The following FGGY variants were observed in gnomAD, a reference collection of about 807,000 sequenced individuals.
FGGY encodes the protein FGGY carbohydrate kinase domain-containing protein.
Under a neutral mutation model 71.3 loss-of-function variants are expected in FGGY, and 72 were observed. The ratio of observed to expected loss-of-function variants is 1.01; its 90% CI spans 0.84 to 1.23. The LOEUF (loss-of-function observed/expected upper bound fraction) is 1.23, where lower values mean the gene tolerates loss of function less well. Among genes scored for constraint, FGGY ranks in the 50% most tolerant of loss-of-function variants. FGGY has a pLI of 0.00. For missense variants in FGGY, 668 were observed against 682.3 expected (o/e 0.98, Z 0.23); for synonymous variants, 251 against 250.3 (o/e 1.00, Z -0.02).
chr1:59,719,786 G>T (rs1202556372), intron 14 of FGGY, among the ~76,000 whole-genome samples: 3 of 152,124 alleles, frequency 2.0e-5, no homozygotes, highest in African/African-American at 7.2e-5. Context: ...ATTGATAAGG[G>T]CCTTGCAAGT....
intron 7 of FGGY, among the ~76,000 whole-genome samples, chr1:59,534,595 T>C (rs1351697197): frequency 6.6e-6 from 1 of 152,076 alleles, no homozygotes; most frequent in African/African-American, 2.4e-5. Context: ...GGTAGGGTTA[T>C]CCTCAAAGGG....
At chr1:59,306,253 T>C (rs1439946806) in intron 1 of FGGY, among the ~76,000 whole-genome samples, 1 of 152,110 alleles carries the variant, frequency 6.6e-6, no homozygotes, top group East Asian at 1.9e-4. Flanking sequence ...TATCTAAAGA[T>C]GTGAGGAGGG....
chr1:59,536,732 C>T (rs934228887), intron 7 of FGGY, among the ~76,000 whole-genome samples: 1 of 152,274 alleles, frequency 6.6e-6, no homozygotes, highest in Admixed American at 6.5e-5. Context: ...CCAGCATATA[C>T]AGAACCAAAG....
chr1:59,706,774 A>G (rs1428314845), intron 14 of FGGY, among the ~76,000 whole-genome samples: 2 of 152,144 alleles, frequency 1.3e-5, no homozygotes, highest in Non-Finnish European at 2.9e-5. Context: ...CTTAGACCTA[A>G]CCTCTTCAAC....
At chr1:59,622,727 T>G (rs1200629323) in intron 9 of FGGY, among the ~76,000 whole-genome samples, 1 of 152,196 alleles carries the variant, frequency 6.6e-6, no homozygotes, top group Non-Finnish European at 1.5e-5. Flanking sequence ...TCTCATTTCT[T>G]AATCAGAAAG....
intron 5 of FGGY, among the ~76,000 whole-genome samples, chr1:59,444,258 C>CTT (rs1357561090): frequency 2.0e-5 from 3 of 152,194 alleles, no homozygotes; most frequent in African/African-American, 7.2e-5. Context: ...AGTAGAGATT[C>CTT]TTTTTTTAAC....
chr1:59,356,150 C>T (rs1228815642), intron 4 of FGGY, among the ~76,000 whole-genome samples: 1 of 152,132 alleles, frequency 6.6e-6, no homozygotes, highest in African/African-American at 2.4e-5. Flanking sequence ...CTGCTACACT[C>T]ATTTCCTTTT....
At chr1:59,637,359 G>A (rs901559483) in intron 10 of FGGY, among the ~76,000 whole-genome samples, 2 of 152,080 alleles carry the variant, frequency 1.3e-5, no homozygotes, top group Admixed American at 1.3e-4. Flanking sequence ...AAAACCAGGC[G>A]AGGTGGCTCA....
At chr1:59,512,984 CAAAACCAAAT>C (rs1240419520) in intron 7 of FGGY, among the ~76,000 whole-genome samples, 1 of 152,122 alleles carries the variant, frequency 6.6e-6, no homozygotes, top group Non-Finnish European at 1.5e-5. Context: ...GAACTTAAAA[CAAAACCAAAT>C]AAAACCAAAG....
At chr1:59,531,737 T>C (rs1017500927) in intron 7 of FGGY, among the ~76,000 whole-genome samples, 7 of 152,182 alleles carry the variant, frequency 4.6e-5, no homozygotes, top group Non-Finnish European at 7.4e-5. Context: ...TTGGACATCA[T>C]TGAAGAGGGA....
intron 7 of FGGY, among the ~76,000 whole-genome samples, chr1:59,546,461 G>A (rs1011402134): frequency 1.3e-5 from 2 of 151,874 alleles, no homozygotes; most frequent in South Asian, 2.1e-4. Context: ...GTGTCAAGGT[G>A]TGTAAAATTT....
At chr1:59,342,764 C>T (rs2050967401) in intron 3 of FGGY, among the ~76,000 whole-genome samples, 1 of 152,092 alleles carries the variant, frequency 6.6e-6, no homozygotes, top group Admixed American at 6.6e-5. Flanking sequence ...CCAGATAACC[C>T]TAATCATGCA....
At chr1:59,465,193 T>A (rs1256695607) in intron 6 of FGGY, among the ~76,000 whole-genome samples, 1 of 152,158 alleles carries the variant, frequency 6.6e-6, no homozygotes, top group Non-Finnish European at 1.5e-5. Flanking sequence ...CCCTGGGATG[T>A]AAGGCGGTTC....
At chr1:59,449,538 C>T (rs2072158022) in intron 5 of FGGY, among the ~76,000 whole-genome samples, 1 of 152,204 alleles carries the variant, frequency 6.6e-6, no homozygotes, top group Admixed American at 6.5e-5. Context: ...CTGCCTCAGC[C>T]TCCCAAGGTG....
chr1:59,368,078 TAGAA>T (rs1480132457), intron 4 of FGGY, among the ~76,000 whole-genome samples: 5 of 152,166 alleles, frequency 3.3e-5, no homozygotes, highest in African/African-American at 1.2e-4. Context: ...AACTGGAGGA[TAGAA>T]AGACTTAACT....
intron 8 of FGGY, among the ~76,000 whole-genome samples, chr1:59,568,470 G>GC (rs2095917307): frequency 1.6e-5 from 2 of 126,814 alleles, no homozygotes; most frequent in East Asian, 2.8e-4. Flanking sequence ...GGGGCGGGGG[G>GC]GGGTGTTCTT....
At chr1:59,321,829 A>C in intron 2 of FGGY, 79 bp downstream of exon 2, 1 of 1,431,394 alleles carries the variant, frequency 7.0e-7, no homozygotes, top group South Asian at 1.3e-5. Context: ...TGCCGTAAAC[A>C]ATGTTGGGGT....
At chr1:59,365,647 G>T (rs2056451232) in intron 4 of FGGY, among the ~76,000 whole-genome samples, 1 of 152,186 alleles carries the variant, frequency 6.6e-6, no homozygotes, top group Non-Finnish European at 1.5e-5. Context: ...CCCGTTGTGT[G>T]GGACCTGGGG....
At chr1:59,553,064 G>A (rs899836583) in intron 7 of FGGY, among the ~76,000 whole-genome samples, 5 of 152,196 alleles carry the variant, frequency 3.3e-5, no homozygotes, top group African/African-American at 1.2e-4. Context: ...GCCTGACAGC[G>A]AGGTTGGGGG....
Sources: gnomAD v4.1 joint callset for allele counts (sites outside exome capture counted in the v4.1 genomes callset) on GRCh38, gnomAD v4.1.1 for gene constraint, MANE v1.5 for transcripts, NCBI Gene and HGNC (gene_info 2026-07-23, HGNC 2026-07-21) for gene names.